Variants in EPHA6 observed in about 807,000 individuals in gnomAD.
EPHA6 encodes the protein ephrin type-A receptor 6.
A neutral mutation model predicts 112.0 loss-of-function variants in EPHA6; 50 were observed. The observed-to-expected ratio is 0.45, with a 90% CI of 0.36 to 0.56. The LOEUF is 0.56. EPHA6 is among the 20% of genes least tolerant of loss of function. The pLI, the probability that EPHA6 is intolerant of heterozygous loss-of-function variation, is 0.00. For missense variants in EPHA6, 1,280 were observed against 1,417.4 expected (o/e 0.90, Z 1.56); for synonymous variants, 529 against 490.7 (o/e 1.08, Z -1.03).
At chr3:96,856,225 G>GGA (rs2107400344) in intron 1 of EPHA6, among the ~76,000 whole-genome samples, 1 of 151,816 alleles carries the variant, frequency 6.6e-6, no homozygotes, top group Admixed American at 6.6e-5. Context: ...GGGTGACAGA[G>GGA]GAGACCCTGT....
intron 2 of EPHA6, among the ~76,000 whole-genome samples, chr3:96,879,215 C>T (rs1036665290): frequency 1.3e-5 from 2 of 151,924 alleles, no homozygotes; most frequent in African/African-American, 4.8e-5. Context: ...TAGCATTTTG[C>T]CTTTGTTTAT....
chr3:96,872,712 C>T (rs1489981159), intron 2 of EPHA6, among the ~76,000 whole-genome samples: 1 of 151,982 alleles, frequency 6.6e-6, no homozygotes, highest in African/African-American at 2.4e-5. Context: ...CTTATCCTTG[C>T]TCCTCTATTC....
At chr3:96,851,775 A>G (rs988876773) in intron 1 of EPHA6, among the ~76,000 whole-genome samples, 3 of 152,120 alleles carry the variant, frequency 2.0e-5, no homozygotes, top group Non-Finnish European at 4.4e-5. Context: ...GATGTTTTTC[A>G]TAACTTGAAA....
chr3:96,913,205 CACACACACCA>C (rs2039313524), intron 2 of EPHA6, among the ~76,000 whole-genome samples: 1 of 120,344 alleles, frequency 8.3e-6, no homozygotes, highest in African/African-American at 3.2e-5. Context: ...CACACACACA[CACACACACCA>C]CACACACGGG....
At chr3:97,534,047 A>G (rs1395011003) in intron 11 of EPHA6, among the ~76,000 whole-genome samples, 1 of 152,172 alleles carries the variant, frequency 6.6e-6, no homozygotes, top group Non-Finnish European at 1.5e-5. Flanking sequence ...ACAGCAATAG[A>G]TAACCAAACA....
chr3:97,737,846 T>C (rs926365724), intron 16 of EPHA6, among the ~76,000 whole-genome samples: 3 of 151,342 alleles, frequency 2.0e-5, no homozygotes, highest in Non-Finnish European at 4.4e-5. Flanking sequence ...ACCCTCTAAT[T>C]TAAGACATGA....
rs111828953 is a variant in EPHA6, at chr3:97,181,490, C to A, written c.1115-44774C>A. ...TTGTTTGTTGACGTTCCCTAGCATG[C>A]AAAGTAAGTCATGCATGAACGGTGC... On this transcript the variant is annotated intron_variant, in intron 3 of 17. Coordinates refer to ENST00000389672, the MANE Select transcript of EPHA6 (RefSeq NM_001080448.3). 3.8e-3 allele frequency among the ~76,000 whole-genome samples: 584 copies of A among 152,026 alleles called. 4 individuals carry two copies. Among genetic ancestry groups the A allele is most frequent in the African/African-American group, 0.013 (533 of 41,482 alleles).
At chr3:97,011,843 A>C (rs1157111936) in intron 3 of EPHA6, among the ~76,000 whole-genome samples, 1 of 152,088 alleles carries the variant, frequency 6.6e-6, no homozygotes, top group Non-Finnish European at 1.5e-5. Flanking sequence ...TGCCATCTTT[A>C]TATACATGAG....
At chr3:97,399,250 C>G (rs1302093937) in intron 5 of EPHA6, among the ~76,000 whole-genome samples, 1 of 151,526 alleles carries the variant, frequency 6.6e-6, no homozygotes, top group Non-Finnish European at 1.5e-5. Flanking sequence ...CCAGGCTCAT[C>G]CATGTTGCCA....
In EPHA6 at chr3:97,752,157, C is replaced by G. The variant is rs1017059314; in HGVS notation, c.*3456C>G. 4.5e-6 allele frequency: 1 copy of G among 223,244 alleles called. No individual in the cohort carries two copies. Among genetic ancestry groups the G allele is most frequent in the Admixed American group, 5.7e-5 (1 of 17,424 alleles). 13.8% of individuals were successfully genotyped at this position (223,244 alleles called of 1,614,324 possible). On this transcript the variant is annotated 3_prime_UTR_variant, in exon 18 of 18. Transcript: ENST00000389672. ...CTCTGCATTGGTCTTTAAAATCTAT[C>G]AAAGTATAACCTGAATAAAACTGCC...
At chr3:97,742,979 T>C (rs944710954) in intron 16 of EPHA6, among the ~76,000 whole-genome samples, 5 of 152,266 alleles carry the variant, frequency 3.3e-5, no homozygotes, top group African/African-American at 1.2e-4. Flanking sequence ...ATTAAGTCAA[T>C]GTGCTGTTGT....
chr3:97,578,679 G>A (rs301966), intron 11 of EPHA6, among the ~76,000 whole-genome samples: 152,137 of 152,314 alleles, frequency 1, 75,980 homozygotes, highest in Middle Eastern at 1. Flanking sequence ...CATGTACTTT[G>A]GGGGCTGATT....
intron 16 of EPHA6, among the ~76,000 whole-genome samples, chr3:97,740,733 C>T (rs886706386): frequency 1.3e-5 from 2 of 152,058 alleles, no homozygotes; most frequent in Non-Finnish European, 2.9e-5. Flanking sequence ...AATTATGCAC[C>T]AATACTGCTA....
intron 14 of EPHA6, among the ~76,000 whole-genome samples, chr3:97,699,062 G>C (rs957623775): frequency 2.0e-5 from 3 of 152,166 alleles, no homozygotes; most frequent in African/African-American, 7.2e-5. Flanking sequence ...CATATGTGGA[G>C]TCCAAAGCAG....
intron 14 of EPHA6, among the ~76,000 whole-genome samples, chr3:97,655,017 A>G (rs2094129459): frequency 6.6e-6 from 1 of 151,268 alleles, no homozygotes; most frequent in Non-Finnish European, 1.5e-5. Flanking sequence ...TATGCCGGTA[A>G]AGAAGAAAAT....
intron 2 of EPHA6, among the ~76,000 whole-genome samples, chr3:96,953,095 T>A (rs182473976): frequency 6.6e-6 from 1 of 152,062 alleles, no homozygotes; most frequent in East Asian, 1.9e-4. Context: ...ATTTCCTGGG[T>A]TTTTTATAGC....
chr3:97,102,712 A>G (rs1483753076), intron 3 of EPHA6, among the ~76,000 whole-genome samples: 2 of 152,050 alleles, frequency 1.3e-5, no homozygotes, highest in East Asian at 1.9e-4. Context: ...GTTTTCCTCA[A>G]TAGTTGAACT....
At chr3:96,869,288 G>C (rs1377658648) in intron 2 of EPHA6, among the ~76,000 whole-genome samples, 1 of 151,252 alleles carries the variant, frequency 6.6e-6, no homozygotes, top group Non-Finnish European at 1.5e-5. Context: ...AGGTTGTTCT[G>C]AGTAATGTTT....
chr3:97,529,584 A>G (rs1022304206), intron 10 of EPHA6, among the ~76,000 whole-genome samples: 1 of 318 alleles, frequency 3.1e-3, no homozygotes, highest in African/African-American at 0.011. Context: ...TACAATGTCA[A>G]TCACATAATC....
Sources: allele counts gnomAD v4.1 joint callset (sites outside exome capture counted in the v4.1 genomes callset), GRCh38; gene constraint gnomAD v4.1.1; transcripts MANE v1.5; gene names NCBI Gene and HGNC (gene_info 2026-07-23, HGNC 2026-07-21).